The following SLC41A2 variants were observed in gnomAD, a reference collection of about 807,000 sequenced individuals.
The protein encoded by SLC41A2 is solute carrier family 41 member 2.
A neutral mutation model predicts 58.3 loss-of-function variants in SLC41A2; 32 were observed. The ratio of observed to expected loss-of-function variants is 0.55; its 90% CI spans 0.41 to 0.74. The LOEUF is 0.74. SLC41A2 is among the 30% of genes least tolerant of loss of function. SLC41A2 has a pLI of 0.00. For synonymous variants in SLC41A2, 190 were observed against 235.0 expected, an observed-to-expected ratio of 0.81 and a Z score of 1.75; for missense variants, 514 against 680.6, an observed-to-expected ratio of 0.76 and a Z score of 2.72.
At chr12:104,917,811 G>C (rs1224901418) in intron 2 of SLC41A2, among the ~76,000 whole-genome samples, 1 of 68,350 alleles carries the variant, frequency 1.5e-5, no homozygotes, top group Non-Finnish European at 3.2e-5. Flanking sequence ...TCACAATCTG[G>C]GGAATGTTGT....
Position 104,928,133 on chromosome 12 carries a change from T to A in SLC41A2, c.395A>T (p.Asp132Val). 1 of 1,614,206 alleles carries A rather than the reference T, an allele frequency of 6.2e-7. No homozygotes were observed. Among genetic ancestry groups the A allele is most frequent in the South Asian group, 1.1e-5 (1 of 91,078 alleles). ...ATCACCATCACTAGATATATCTTCA[T>A]CTTGTAACATGGCAGTGGTTTCTGA... Reference protein sequence around the residue: ...ETSETTAMLQDEDISSDGDED... With the variant: ...ETSETTAMLQVEDISSDGDED... Residue 132 changes from aspartate (D) to valine (V), a missense_variant, in exon 2 of 11, where the codon GAT becomes GTT. By Grantham distance (152) the Asp-to-Val change is radical. Transcript: ENST00000258538.
At chr12:104,892,918 C>T (rs1039970764) in intron 4 of SLC41A2, among the ~76,000 whole-genome samples, 1 of 152,078 alleles carries the variant, frequency 6.6e-6, no homozygotes, top group African/African-American at 2.4e-5. Flanking sequence ...ACATTAGGGG[C>T]ACTCTCCAGG....
At chr12:104,913,317 C>A (rs2046164211) in intron 2 of SLC41A2, among the ~76,000 whole-genome samples, 1 of 152,120 alleles carries the variant, frequency 6.6e-6, no homozygotes. Context: ...CCCATTATAC[C>A]CCTTTACCCT....
At chr12:104,851,531 G>T (rs1043287981) in intron 8 of SLC41A2, among the ~76,000 whole-genome samples, 1 of 151,918 alleles carries the variant, frequency 6.6e-6, no homozygotes, top group East Asian at 1.9e-4. Flanking sequence ...CTACAGGTAT[G>T]CATCACAATG....
At chr12:104,938,705 A>T (rs1266384053) in intron 1 of SLC41A2, among the ~76,000 whole-genome samples, 1 of 152,244 alleles carries the variant, frequency 6.6e-6, no homozygotes, top group African/African-American at 2.4e-5. Context: ...CAGGAGAAAG[A>T]AATAAAGCTT....
At chr12:104,821,771 G>T (rs2041646302) in intron 10 of SLC41A2, among the ~76,000 whole-genome samples, 1 of 152,192 alleles carries the variant, frequency 6.6e-6, no homozygotes, top group South Asian at 2.1e-4. Context: ...GGGCACATAG[G>T]TGTCTTCTAA....
intron 6 of SLC41A2, among the ~76,000 whole-genome samples, chr12:104,883,491 G>A (rs1370223862): frequency 6.6e-6 from 1 of 152,224 alleles, no homozygotes; most frequent in Non-Finnish European, 1.5e-5. Context: ...GTGACCTACA[G>A]ATGGGGTTTT....
chr12:104,893,235 A>G (rs1313545281), intron 4 of SLC41A2, among the ~76,000 whole-genome samples: 3 of 152,182 alleles, frequency 2.0e-5, no homozygotes, highest in African/African-American at 7.2e-5. Flanking sequence ...TACAAATGGT[A>G]GTCAGTCATA....
At chr12:104,858,345 A>C (rs942957817) in intron 8 of SLC41A2, among the ~76,000 whole-genome samples, 1 of 152,176 alleles carries the variant, frequency 6.6e-6, no homozygotes, top group Non-Finnish European at 1.5e-5. Context: ...AATAGACCCG[A>C]TCTGGTTTTC....
intron 2 of SLC41A2, among the ~76,000 whole-genome samples, chr12:104,919,049 C>T (rs2046467547): frequency 1.3e-5 from 2 of 152,158 alleles, no homozygotes; most frequent in Admixed American, 1.3e-4. Flanking sequence ...AATCTGTTCT[C>T]CACTTCTATA....
intron 6 of SLC41A2, among the ~76,000 whole-genome samples, chr12:104,883,321 G>A (rs1358477155): frequency 6.6e-6 from 1 of 152,124 alleles, no homozygotes; most frequent in East Asian, 1.9e-4. Context: ...GCCTACTTTA[G>A]TCAACTCGTC....
At chr12:104,876,384 G>A (rs7294925) in intron 6 of SLC41A2, among the ~76,000 whole-genome samples, 7,925 of 151,934 alleles carry the variant, frequency 0.052, 465 homozygotes, top group African/African-American at 0.15. Flanking sequence ...TCTAAATGCA[G>A]GTGTTTATCG....
chr12:104,867,889 C>T (rs991751962), intron 6 of SLC41A2, among the ~76,000 whole-genome samples: 2 of 151,812 alleles, frequency 1.3e-5, no homozygotes, highest in African/African-American at 4.8e-5. Context: ...TCACCTATGA[C>T]TAAAGATGCT....
At chr12:104,905,451 C>T (rs1007922547) in intron 3 of SLC41A2, among the ~76,000 whole-genome samples, 9 of 152,256 alleles carry the variant, frequency 5.9e-5, no homozygotes, top group African/African-American at 2.2e-4. Context: ...CTGGCTTCAC[C>T]TAGTGGATCC....
intron 8 of SLC41A2, among the ~76,000 whole-genome samples, chr12:104,852,980 T>C (rs545659561): frequency 1.3e-5 from 2 of 150,712 alleles, no homozygotes; most frequent in South Asian, 4.1e-4. Context: ...CATCTAAAGA[T>C]AGTCTCACAC....
At chr12:104,874,878 G>A (rs1369148842) in intron 6 of SLC41A2, among the ~76,000 whole-genome samples, 2 of 152,152 alleles carry the variant, frequency 1.3e-5, no homozygotes, top group African/African-American at 4.8e-5. Flanking sequence ...TTTCTGTGAA[G>A]AATGCCATTG....
chr12:104,948,843 T>A lies in SLC41A2; in HGVS notation c.-168+9245A>T, dbSNP rs1593194387. The stretch of plus-strand genomic sequence containing the variant: ...TTGAACACAGTTTATTGCTCAAGAA[T>A]GGAAACAGCTCCTTCACAGGTTTCA... On this transcript the variant is annotated intron_variant, in intron 1 of 10. Coordinates refer to ENST00000258538, the MANE Select transcript of SLC41A2 (RefSeq NM_001352171.3). 2.0e-5 allele frequency among the ~76,000 whole-genome samples: 3 copies of A among 152,352 alleles called. No homozygotes were observed. In the South Asian group the frequency reaches 6.2e-4, roughly 32 times the overall value.
At chr12:104,886,222 G>A in intron 6 of SLC41A2, 71 bp downstream of exon 6, 2 of 1,506,404 alleles carry the variant, frequency 1.3e-6, no homozygotes, top group Non-Finnish European at 9.1e-7. Flanking sequence ...TGGATTCATG[G>A]CATTGCTGCA....
At chr12:104,894,680 T>A (rs2045193111) in intron 4 of SLC41A2, among the ~76,000 whole-genome samples, 1 of 152,154 alleles carries the variant, frequency 6.6e-6, no homozygotes, top group Non-Finnish European at 1.5e-5. Flanking sequence ...GCTAGAGAAT[T>A]ACTAGGGGTA....
Sources: allele counts gnomAD v4.1 joint callset (sites outside exome capture counted in the v4.1 genomes callset), GRCh38; gene constraint gnomAD v4.1.1; transcripts MANE v1.5; gene names NCBI Gene and HGNC (gene_info 2026-07-23, HGNC 2026-07-21).